The following USP47 variants were observed in gnomAD, a reference collection of about 807,000 sequenced individuals.
USP47 encodes the protein ubiquitin specific peptidase 47.
Under a neutral mutation model 165.1 loss-of-function variants are expected in USP47, and 35 were observed. The observed-to-expected ratio is 0.21, with a 90% CI of 0.16 to 0.28. The LOEUF (loss-of-function observed/expected upper bound fraction) is 0.28, where lower values mean the gene tolerates loss of function less well. Among genes scored for constraint, USP47 ranks in the 10% least tolerant of loss-of-function variants. The pLI is 1.00. For missense variants in USP47, 1,277 were observed against 1,607.4 expected (o/e 0.79, Z 3.52); for synonymous variants, 531 against 544.5 (o/e 0.98, Z 0.35).
At chr11:11,941,113 G>A (rs896029892) in intron 19 of USP47, among the ~76,000 whole-genome samples, 1 of 151,756 alleles carries the variant, frequency 6.6e-6, no homozygotes, top group African/African-American at 2.4e-5. Context: ...TTTTTCATAT[G>A]TGTTTTTATC....
At chr11:11,881,734 G>A (rs1456691168) in intron 2 of USP47, among the ~76,000 whole-genome samples, 3 of 151,862 alleles carry the variant, frequency 2.0e-5, no homozygotes, top group Non-Finnish European at 4.4e-5. Context: ...ATAAACAATT[G>A]CAATTATTAA....
At chr11:11,940,346 G>A in intron 18 of USP47, 83 bp from the exon 19 acceptor site, 1 of 1,381,132 alleles carries the variant, frequency 7.2e-7, no homozygotes, top group Non-Finnish European at 9.8e-7. Context: ...GAAGAACTCA[G>A]CAGTGTCTTG....
At chr11:11,884,798 T>C in intron 3 of USP47, 1 of 417,496 alleles carries the variant, frequency 2.4e-6, no homozygotes, top group Non-Finnish European at 4.3e-6. Context: ...GTTGCCGCCT[T>C]GGATTTAACA....
rs1415602606 is a variant in USP47 at position 11,956,481 on chromosome 11, T to C, written c.*306T>C. 14 of 222,850 alleles carry C rather than the reference T, an allele frequency of 6.3e-5. 1 individual carries two copies. In the East Asian group the frequency reaches 1.3e-3, roughly 21 times the overall value. 13.8% of individuals were successfully genotyped at this position (222,850 alleles called of 1,614,324 possible). ...GGACAGGGGAATGAGTAAACTTCTT[T>C]TATTGCGGACAAATGTGCACATAGC... On this transcript the variant is annotated 3_prime_UTR_variant, in exon 28 of 28. Coordinates refer to ENST00000527733, the MANE Select transcript of USP47 (RefSeq NM_001282659.2).
chr11:11,873,771 G>C (rs2134261061), intron 1 of USP47: 2 of 1,258,476 alleles, frequency 1.6e-6, no homozygotes, highest in Non-Finnish European at 2.1e-6. Context: ...TAAATAATTT[G>C]TAATTCATTT....
intron 17 of USP47, among the ~76,000 whole-genome samples, chr11:11,937,524 T>G (rs1220608832): frequency 6.6e-6 from 1 of 151,600 alleles, no homozygotes; most frequent in Non-Finnish European, 1.5e-5. Context: ...TACTTCGACT[T>G]CTAAGACTCT....
chr11:11,911,532 T>C lies in USP47; in HGVS notation c.969+5984T>C, dbSNP rs1852984627. Reference sequence around the variant, plus strand: ...GACAGAGAGGGCTGTTACATTGTAATAAAAGTGTCAAACAACCGAGAAGAC... The same window carrying C: ...GACAGAGAGGGCTGTTACATTGTAACAAAAGTGTCAAACAACCGAGAAGAC... On this transcript the variant is annotated intron_variant, in intron 8 of 27. Transcript: ENST00000527733. Among the ~76,000 whole-genome samples the C allele has an allele frequency of 2.6e-5, 4 of 151,876 alleles. No homozygotes were observed. In the South Asian group the frequency reaches 8.4e-4, roughly 32 times the overall value.
intron 3 of USP47, among the ~76,000 whole-genome samples, chr11:11,891,700 A>C (rs1228826123): frequency 6.6e-6 from 1 of 152,234 alleles, no homozygotes; most frequent in Middle Eastern, 3.2e-3. Context: ...TGCTAGGCCT[A>C]CGTGGCCAGG....
At chr11:11,860,958 G>A (rs1294448723) in intron 1 of USP47, among the ~76,000 whole-genome samples, 2 of 152,088 alleles carry the variant, frequency 1.3e-5, no homozygotes, top group Non-Finnish European at 2.9e-5. Context: ...TCATCAGAAG[G>A]CCTCTGTTAT....
At chr11:11,919,066 T>A (rs1030938734) in intron 8 of USP47, among the ~76,000 whole-genome samples, 2 of 152,006 alleles carry the variant, frequency 1.3e-5, no homozygotes, top group African/African-American at 4.8e-5. Context: ...TGTTTCCTTG[T>A]GTTCTGAGAA....
chr11:11,941,607 A>G (rs1235943277), intron 19 of USP47, among the ~76,000 whole-genome samples: 2 of 152,088 alleles, frequency 1.3e-5, no homozygotes, highest in Admixed American at 1.3e-4. Flanking sequence ...CGTTTCATCT[A>G]TAATTTAACC....
intron 22 of USP47, 63 bp from the exon 23 acceptor site, chr11:11,949,826 G>A: frequency 9.3e-7 from 1 of 1,077,650 alleles, no homozygotes; most frequent in Non-Finnish European, 1.3e-6. Flanking sequence ...TTATTTTAAT[G>A]TGTTAATATT....
At chr11:11,944,278 T>A (rs1855676472) in intron 20 of USP47, among the ~76,000 whole-genome samples, 1 of 151,432 alleles carries the variant, frequency 6.6e-6, no homozygotes, top group Non-Finnish European at 1.5e-5. Context: ...CTCTGAAAAT[T>A]AAGTGCTATG....
intron 10 of USP47, among the ~76,000 whole-genome samples, 158 bp from the exon 11 acceptor site, chr11:11,922,566 G>A (rs1371760048): frequency 6.6e-6 from 1 of 151,838 alleles, no homozygotes; most frequent in East Asian, 1.9e-4. Flanking sequence ...TTTACTTAAG[G>A]TCTCAATTTT....
chr11:11,903,052 A>C (rs889659468), intron 6 of USP47, among the ~76,000 whole-genome samples, 192 bp downstream of exon 6: 1 of 152,184 alleles, frequency 6.6e-6, no homozygotes, highest in Admixed American at 6.5e-5. Context: ...TTGTAGCACC[A>C]TAAAGCATAT....
intron 4 of USP47, 64 bp from the exon 5 acceptor site, chr11:11,897,533 A>G: frequency 1.7e-6 from 2 of 1,188,130 alleles, no homozygotes; most frequent in Non-Finnish European, 2.4e-6. Context: ...TTAAATTCTT[A>G]TTATGTTTTT....
At chr11:11,948,391 G>A (rs375585448) in intron 21 of USP47, 87 bp from the exon 22 acceptor site, 15 of 1,173,944 alleles carry the variant, frequency 1.3e-5, no homozygotes, top group East Asian at 1.2e-4. Context: ...ATAATCTAGA[G>A]TATTTTGGAA....
chr11:11,892,225 C>G (rs2134380846), intron 4 of USP47, 119 bp downstream of exon 4: 1 of 1,122,154 alleles, frequency 8.9e-7, no homozygotes, highest in East Asian at 2.6e-5. Context: ...AGCAGGAGTA[C>G]TAGCTAGCAG....
chr11:11,949,169 G>A (rs956326368), intron 22 of USP47: 3 of 152,242 alleles, frequency 2.0e-5, no homozygotes, highest in East Asian at 1.9e-4. Flanking sequence ...GCTTGTAAAC[G>A]GTGTGGGTGA....
Sources: allele counts gnomAD v4.1 joint callset (sites outside exome capture counted in the v4.1 genomes callset), GRCh38; gene constraint gnomAD v4.1.1; transcripts MANE v1.5; gene names NCBI Gene and HGNC (gene_info 2026-07-23, HGNC 2026-07-21).